Variants in CPEB3 observed in about 807,000 individuals in gnomAD.
CPEB3 encodes the protein cytoplasmic polyadenylation element binding protein 3, also known as cytoplasmic polyadenylation element-binding protein 3.
A neutral mutation model predicts 67.2 loss-of-function variants in CPEB3; 20 were observed. The ratio of observed to expected loss-of-function variants is 0.30; its 90% CI spans 0.21 to 0.43. The LOEUF is 0.43. CPEB3 is among the 20% of genes least tolerant of loss of function. The pLI, the probability that CPEB3 is intolerant of heterozygous loss-of-function variation, is 1.00. For missense variants in CPEB3, 746 were observed against 968.6 expected, an observed-to-expected ratio of 0.77 and a Z score of 3.05; for synonymous variants, 376 against 393.1, an observed-to-expected ratio of 0.96 and a Z score of 0.51.
chr10:92,118,972 G>A (rs1255499203), intron 6 of CPEB3: 22 of 1,466,188 alleles, frequency 1.5e-5, no homozygotes, highest in Non-Finnish European at 2.1e-5. Context: ...TGAAGTCCCT[G>A]TGTCTGGGGC....
chr10:92,187,659 C>T (rs1332820384), intron 3 of CPEB3, among the ~76,000 whole-genome samples: 1 of 152,138 alleles, frequency 6.6e-6, no homozygotes. Flanking sequence ...AGAGTGGTTC[C>T]ATAGGAGCTT....
chr10:92,166,148 G>T (rs899072700), intron 4 of CPEB3, among the ~76,000 whole-genome samples: 4 of 149,164 alleles, frequency 2.7e-5, no homozygotes, highest in Non-Finnish European at 5.9e-5. Context: ...TCACTCTGTC[G>T]CCCAGGCTAG....
intron 4 of CPEB3, among the ~76,000 whole-genome samples, chr10:92,170,532 C>T (rs1400180673): frequency 6.6e-6 from 1 of 152,102 alleles, no homozygotes; most frequent in Non-Finnish European, 1.5e-5. Context: ...TGTGACCTGA[C>T]AGCATTCCAC....
intron 8 of CPEB3, among the ~76,000 whole-genome samples, chr10:92,087,903 A>G (rs1843440242): frequency 6.6e-6 from 1 of 152,158 alleles, no homozygotes. Context: ...TACTGACTCT[A>G]AAGAATATGC....
intron 6 of CPEB3, among the ~76,000 whole-genome samples, chr10:92,132,394 G>A (rs1404191718): frequency 6.6e-6 from 1 of 152,146 alleles, no homozygotes; most frequent in African/African-American, 2.4e-5. Context: ...AGATGTCAAT[G>A]TCAAAAGTAA....
At chr10:92,191,743 A>T (rs1848995702) in intron 3 of CPEB3, among the ~76,000 whole-genome samples, 1 of 152,244 alleles carries the variant, frequency 6.6e-6, no homozygotes, top group Non-Finnish European at 1.5e-5. Flanking sequence ...GGATATTTCC[A>T]TAGGTAATTT....
At chr10:92,193,299 A>C (rs1337233342) in intron 2 of CPEB3, among the ~76,000 whole-genome samples, 1 of 152,210 alleles carries the variant, frequency 6.6e-6, no homozygotes, top group Non-Finnish European at 1.5e-5. Context: ...CTAATACTCT[A>C]TAATGCAATG....
At chr10:92,237,871 T>A (rs1030734058) in intron 2 of CPEB3, among the ~76,000 whole-genome samples, 1 of 152,132 alleles carries the variant, frequency 6.6e-6, no homozygotes, top group Non-Finnish European at 1.5e-5. Context: ...GGGAAAAAAA[T>A]ATAACTTAAT....
intron 6 of CPEB3, among the ~76,000 whole-genome samples, chr10:92,120,098 C>CAAAAAAAAAAAAAAAAAAAACAAGAAA (rs34785763): frequency 2.2e-5 from 1 of 45,282 alleles, no homozygotes; most frequent in African/African-American, 1.3e-4. Context: ...ACTAAAAATA[C>CAAAAAAAAAAAAAAAAAAAACAAGAAA]AAAAAAAAAA....
At chr10:92,246,939 T>A (rs1042231008) in intron 1 of CPEB3, among the ~76,000 whole-genome samples, 26 of 152,206 alleles carry the variant, frequency 1.7e-4, no homozygotes, top group Admixed American at 6.5e-5. Context: ...ATATGCACAA[T>A]GGACAAAAAT....
In CPEB3 at chr10:92,208,175, T is replaced by C. The variant is rs1359792638; in HGVS notation, c.1006-15539A>G. ...GAAGAAATTAGATTATTTTGTAGCC[T>C]GAGTATGCTAGAAAGTGAATATTTG... is the stretch of plus-strand genomic sequence containing the variant. On this transcript the variant is annotated intron_variant, in intron 2 of 9. Coordinates refer to ENST00000265997, the MANE Select transcript of CPEB3 (RefSeq NM_014912.5). Among the ~76,000 whole-genome samples, 3 of 152,196 alleles carry C rather than the reference T, an allele frequency of 2.0e-5. No homozygotes were observed. In the East Asian group the frequency reaches 5.8e-4, roughly 29 times the overall value.
At position 92,214,590 on chromosome 10, in the gene CPEB3, C is replaced by T. The variant is rs911675196; in HGVS notation, c.1006-21954G>A. ...CTCCGCCTCCCAGGTTCAAGCGATT[C>T]TCCTGCCTCAGTCCCCCAAGTAGCT... On this transcript the variant is annotated intron_variant, in intron 2 of 9. Coordinates refer to ENST00000265997, the MANE Select transcript of CPEB3 (RefSeq NM_014912.5). Among the ~76,000 whole-genome samples the T allele has an allele frequency of 7.2e-5, 11 of 152,002 alleles. No homozygotes were observed. In the East Asian group the frequency reaches 2.1e-3, roughly 29 times the overall value.
intron 4 of CPEB3, among the ~76,000 whole-genome samples, chr10:92,163,507 G>A (rs1473319072): frequency 6.6e-6 from 1 of 152,098 alleles, no homozygotes; most frequent in Non-Finnish European, 1.5e-5. Flanking sequence ...ATTTCAGTAG[G>A]CATCATAAAA....
intron 9 of CPEB3, among the ~76,000 whole-genome samples, chr10:92,069,223 A>G (rs1240476693): frequency 1.3e-5 from 2 of 152,186 alleles, no homozygotes; most frequent in Non-Finnish European, 2.9e-5. Context: ...AAAAATATAC[A>G]CCCTTTGGTA....
chr10:92,104,117 T>A (rs1414967417), intron 7 of CPEB3, among the ~76,000 whole-genome samples: 2 of 151,746 alleles, frequency 1.3e-5, no homozygotes, highest in Non-Finnish European at 3.0e-5. Context: ...CCTTAATATA[T>A]CAATGTTTCT....
chr10:92,165,040 A>G (rs1847670658), intron 4 of CPEB3, among the ~76,000 whole-genome samples: 1 of 152,220 alleles, frequency 6.6e-6, no homozygotes. Flanking sequence ...AGCAAGTCAC[A>G]CAATTTTTTT....
chr10:92,229,089 T>C (rs1851135815), intron 2 of CPEB3, among the ~76,000 whole-genome samples: 1 of 151,706 alleles, frequency 6.6e-6, no homozygotes, highest in African/African-American at 2.4e-5. Flanking sequence ...AGTGGCACAA[T>C]CATGGCTCAC....
At position 92,145,186 on chromosome 10, in the gene CPEB3, G is replaced by A. The variant is rs1187251038; in HGVS notation, c.1223-101C>T. On this transcript the variant is annotated intron_variant, in intron 4 of 9. Transcript: ENST00000265997. ...ATAAATGCTCTATTAGAAGCCCGAA[G>A]TGCAGAGAGAAGCATACAAAAAAAA... The A allele has an allele frequency of 1.5e-6, 2 of 1,346,618 alleles. No homozygotes were observed. Among genetic ancestry groups the A allele is most frequent in the East Asian group, 2.3e-5 (1 of 42,662 alleles). The allele number at this position is 1,346,618 out of a possible 1,614,324, so 83.4% of individuals were successfully genotyped here.
chr10:92,160,061 G>A (rs559716668), intron 4 of CPEB3, among the ~76,000 whole-genome samples: 2 of 151,398 alleles, frequency 1.3e-5, no homozygotes, highest in Admixed American at 6.6e-5. Flanking sequence ...ATTCTCCTGC[G>A]TCAGCCTCCC....
Sources: allele counts gnomAD v4.1 joint callset (sites outside exome capture counted in the v4.1 genomes callset), GRCh38; gene constraint gnomAD v4.1.1; transcripts MANE v1.5; gene names NCBI Gene and HGNC (gene_info 2026-07-23, HGNC 2026-07-21).